Variants in KDM4C observed in about 807,000 individuals in gnomAD.
The protein encoded by KDM4C is lysine demethylase 4C, also known as lysine-specific demethylase 4C.
Under a neutral mutation model 129.3 loss-of-function variants are expected in KDM4C, and 81 were observed. The observed-to-expected ratio is 0.63, with a 90% CI of 0.52 to 0.75. The LOEUF is 0.75. KDM4C is among the 30% of genes least tolerant of loss of function. KDM4C has a pLI of 0.00. For synonymous variants in KDM4C, 573 were observed against 456.1 expected, an observed-to-expected ratio of 1.26 and a Z score of -3.26; for missense variants, 1,457 against 1,304.0, an observed-to-expected ratio of 1.12 and a Z score of -1.81.
intron 8 of KDM4C, among the ~76,000 whole-genome samples, chr9:6,927,721 G>A (rs1283617941): frequency 6.6e-6 from 1 of 152,170 alleles, no homozygotes; most frequent in Non-Finnish European, 1.5e-5. Flanking sequence ...CTCCACACAA[G>A]TGAACATGTC....
At chr9:7,077,189 T>C in intron 17 of KDM4C, 2 of 985,418 alleles carry the variant, frequency 2.0e-6, no homozygotes, top group Non-Finnish European at 1.2e-6. Context: ...TCACACATGC[T>C]GTGGGAAGAG....
At chr9:7,099,683 C>G (rs993632459) in intron 17 of KDM4C, among the ~76,000 whole-genome samples, 2 of 152,194 alleles carry the variant, frequency 1.3e-5, no homozygotes, top group Non-Finnish European at 2.9e-5. Flanking sequence ...GTTAGAAATG[C>G]AAATTCAGTG....
At chr9:6,889,322 A>C (rs1308087169) in intron 7 of KDM4C, among the ~76,000 whole-genome samples, 2 of 150,476 alleles carry the variant, frequency 1.3e-5, no homozygotes, top group African/African-American at 4.9e-5. Flanking sequence ...GCTTGAGGTG[A>C]TTCCCTGCTC....
At chr9:7,103,895 G>T (rs1034407893) in intron 18 of KDM4C, 25 bp downstream of exon 18, 1 of 1,601,950 alleles carries the variant, frequency 6.2e-7, no homozygotes. Flanking sequence ...CCCTTCCTCA[G>T]TGCTAAGACC....
chr9:7,013,422 C>T (rs573322754), intron 13 of KDM4C, among the ~76,000 whole-genome samples: 1 of 152,138 alleles, frequency 6.6e-6, no homozygotes, highest in Non-Finnish European at 1.5e-5. Context: ...TACACTCCTT[C>T]AAGTGTAGCA....
chr9:7,134,880 A>G (rs1587815142), intron 19 of KDM4C, among the ~76,000 whole-genome samples: 1 of 152,064 alleles, frequency 6.6e-6, no homozygotes. Flanking sequence ...TGATTCATCA[A>G]CTCTGTAAAC....
At chr9:6,902,298 G>A (rs1817545811) in intron 8 of KDM4C, among the ~76,000 whole-genome samples, 1 of 152,150 alleles carries the variant, frequency 6.6e-6, no homozygotes, top group Admixed American at 6.5e-5. Context: ...GTACTTTTAA[G>A]GGGAGGAAGG....
chr9:6,790,871 T>G (rs543027167), intron 1 of KDM4C, among the ~76,000 whole-genome samples: 1 of 152,272 alleles, frequency 6.6e-6, no homozygotes, highest in Non-Finnish European at 1.5e-5. Context: ...GGAATCATCC[T>G]GTTTATTGAC....
chr9:6,877,349 C>T (rs959712616), intron 5 of KDM4C, among the ~76,000 whole-genome samples: 25 of 152,212 alleles, frequency 1.6e-4, no homozygotes, highest in African/African-American at 4.1e-4. Flanking sequence ...TACAGGCGCC[C>T]GCCACCACAC....
chr9:7,047,093 G>T (rs897351780), intron 16 of KDM4C, among the ~76,000 whole-genome samples, 176 bp downstream of exon 16: 1 of 151,940 alleles, frequency 6.6e-6, no homozygotes, highest in Non-Finnish European at 1.5e-5. Context: ...CTCTCATCTC[G>T]GCAGGGCAAG....
chr9:6,899,014 A>G (rs976456119), intron 8 of KDM4C, among the ~76,000 whole-genome samples: 2 of 151,716 alleles, frequency 1.3e-5, no homozygotes, highest in African/African-American at 4.8e-5. Context: ...CTGACATGAC[A>G]TATATAATAT....
At chr9:6,828,337 C>T (rs959687845) in intron 4 of KDM4C, among the ~76,000 whole-genome samples, 4 of 151,826 alleles carry the variant, frequency 2.6e-5, no homozygotes, top group East Asian at 1.9e-4. Flanking sequence ...TTAGTAGAGA[C>T]GGGGTTTCAC....
At chr9:7,070,705 C>T (rs958394485) in intron 17 of KDM4C, among the ~76,000 whole-genome samples, 5 of 152,100 alleles carry the variant, frequency 3.3e-5, no homozygotes, top group African/African-American at 1.2e-4. Flanking sequence ...AAAGAACTTC[C>T]TCATTCTAAT....
intron 20 of KDM4C, 152 bp from the exon 21 acceptor site, chr9:7,169,646 G>T: frequency 1.6e-6 from 1 of 627,106 alleles, no homozygotes. Context: ...CTTAATAAGG[G>T]AAATAACTCT....
chr9:6,913,862 A>G (rs938422227), intron 8 of KDM4C, among the ~76,000 whole-genome samples: 2 of 152,212 alleles, frequency 1.3e-5, no homozygotes, highest in African/African-American at 2.4e-5. Context: ...TGCGGTTTTA[A>G]TGGACACATA....
At chr9:6,978,691 A>G (rs1323410) in intron 8 of KDM4C, 112,849 of 152,016 alleles carry the variant, frequency 0.74, 42,232 homozygotes, top group Middle Eastern at 0.81. Flanking sequence ...TGTGTAGTTC[A>G]TGGACATCCA....
upstream of KDM4C, among the ~76,000 whole-genome samples, chr9:6,755,402 A>C (rs897923789): frequency 2.0e-5 from 3 of 151,860 alleles, no homozygotes; most frequent in Non-Finnish European, 4.4e-5. Flanking sequence ...TTAGCTGGGC[A>C]TTATGGCACA....
intron 8 of KDM4C, among the ~76,000 whole-genome samples, chr9:6,922,876 C>A (rs1442379421): frequency 1.3e-5 from 2 of 152,230 alleles, no homozygotes; most frequent in Non-Finnish European, 2.9e-5. Context: ...TTATCTCTCC[C>A]TCTCTGACTC....
intron 4 of KDM4C, among the ~76,000 whole-genome samples, chr9:6,843,092 G>C (rs4433195): frequency 0.12 from 17,683 of 152,180 alleles, 1,144 homozygotes; most frequent in East Asian, 0.26. Flanking sequence ...ACCATGCCTG[G>C]CTAATTTTTA....
Sources: gnomAD v4.1 joint callset for allele counts (sites outside exome capture counted in the v4.1 genomes callset) on GRCh38, gnomAD v4.1.1 for gene constraint, MANE v1.5 for transcripts, NCBI Gene and HGNC (gene_info 2026-07-23, HGNC 2026-07-21) for gene names.